PDE1A: variants seen among roughly 807,000 people sequenced by gnomAD.
The protein encoded by PDE1A is phosphodiesterase 1A.
A neutral mutation model predicts 61.7 loss-of-function variants in PDE1A; 35 were observed. The ratio of observed to expected loss-of-function variants is 0.57; its 90% confidence interval spans 0.43 to 0.75. PDE1A has a LOEUF of 0.75. Ranked by LOEUF, PDE1A falls within the 30% of genes least tolerant of loss-of-function variation. The probability of loss-of-function intolerance (pLI) is 0.00; values close to 1 mark genes in which losing one functional copy is unlikely to be tolerated. For missense variants in PDE1A, 597 were observed against 630.6 expected (o/e 0.95, Z 0.57); for synonymous variants, 232 against 213.2 (o/e 1.09, Z -0.77).
Position 182,350,216 on chromosome 2 carries a change from G to T in PDE1A, c.53+76362C>A, listed in dbSNP as rs139826227. ...GTTTCTCTGATTCAGCATTATCTTTGGGAGATTAATGTATCTTGTTGTTTG... is the reference window on the plus strand; with the variant it reads ...GTTTCTCTGATTCAGCATTATCTTTTGGAGATTAATGTATCTTGTTGTTTG... On this transcript the variant is annotated intron_variant, in intron 1 of 13. Transcript: ENST00000351439. Among the ~76,000 whole-genome samples, 538 of 152,256 alleles carry T rather than the reference G, an allele frequency of 3.5e-3. 3 individuals carry two copies. Among genetic ancestry groups the T allele is most frequent in the African/African-American group, 0.012 (510 of 41,560 alleles).
At chr2:182,218,725 A>AT (rs879366232) in intron 7 of PDE1A, among the ~76,000 whole-genome samples, 7 of 152,074 alleles carry the variant, frequency 4.6e-5, no homozygotes, top group African/African-American at 7.2e-5. Flanking sequence ...AGATCATGTG[A>AT]TTTTTTTCCT....
At chr2:182,686,931 G>T in the PDE1A span, among the ~76,000 whole-genome samples, 2 of 152,324 alleles carry the variant, frequency 1.3e-5, no homozygotes, top group Admixed American at 6.5e-5. Flanking sequence ...CTCGCTCAGT[G>T]CTAGCAAAGC....
At chr2:182,410,612 C>G (rs1299338838) in intron 1 of PDE1A, among the ~76,000 whole-genome samples, 1 of 152,198 alleles carries the variant, frequency 6.6e-6, no homozygotes, top group African/African-American at 2.4e-5. Context: ...TGATCAGTGT[C>G]ATTCTGTGCA....
the PDE1A span, among the ~76,000 whole-genome samples, chr2:182,558,403 A>C: frequency 6.6e-6 from 1 of 152,130 alleles, no homozygotes; most frequent in Non-Finnish European, 1.5e-5. Context: ...ATTAATGGCT[A>C]CTCCATATCT....
chr2:182,607,397 C>CTT, the PDE1A span, among the ~76,000 whole-genome samples: 7 of 152,180 alleles, frequency 4.6e-5, no homozygotes, highest in African/African-American at 1.7e-4. Flanking sequence ...AGGAATAGCA[C>CTT]TTTAAGTACA....
At chr2:182,550,153 G>C in the PDE1A span, among the ~76,000 whole-genome samples, 1 of 152,160 alleles carries the variant, frequency 6.6e-6, no homozygotes, top group Non-Finnish European at 1.5e-5. Context: ...TAGCCTACTA[G>C]AGAATTCTTC....
chr2:182,530,611 T>A, the PDE1A span, among the ~76,000 whole-genome samples: 1 of 152,176 alleles, frequency 6.6e-6, no homozygotes, highest in African/African-American at 2.4e-5. Context: ...GGCAGAAAGA[T>A]GTGGCACAGC....
At chr2:182,714,638 C>T in the PDE1A span, among the ~76,000 whole-genome samples, 3 of 151,936 alleles carry the variant, frequency 2.0e-5, no homozygotes, top group Non-Finnish European at 4.4e-5. Flanking sequence ...GATCTTGGCT[C>T]ACTGCAACCT....
chr2:182,201,305 A>C, intron 10 of PDE1A, 134 bp downstream of exon 10: 4 of 1,109,768 alleles, frequency 3.6e-6, no homozygotes, highest in Non-Finnish European at 5.2e-6. Flanking sequence ...AATTTTGCTG[A>C]AACCCCCAAG....
the PDE1A span, among the ~76,000 whole-genome samples, chr2:182,540,582 T>G: frequency 2.0e-5 from 3 of 152,120 alleles, no homozygotes; most frequent in South Asian, 6.2e-4. Flanking sequence ...AAATAGTGTC[T>G]GAGTTAACCA....
chr2:182,709,960 G>C, the PDE1A span, among the ~76,000 whole-genome samples: 2 of 152,308 alleles, frequency 1.3e-5, no homozygotes, highest in South Asian at 2.1e-4. Flanking sequence ...GCAGTGGCAT[G>C]ATCTTGGCTC....
intron 13 of PDE1A, among the ~76,000 whole-genome samples, chr2:182,153,860 G>T (rs1690925222): frequency 6.6e-6 from 1 of 152,150 alleles, no homozygotes; most frequent in South Asian, 2.1e-4. Flanking sequence ...TGAAGGGTAG[G>T]AGGTTTGGAG....
intron 1 of PDE1A, among the ~76,000 whole-genome samples, chr2:182,268,864 G>A (rs914123081): frequency 3.3e-5 from 5 of 151,960 alleles, no homozygotes; most frequent in African/African-American, 1.2e-4. Context: ...CATTGACAAC[G>A]TTCACATTTC....
the PDE1A span, among the ~76,000 whole-genome samples, chr2:182,642,130 A>T: frequency 1.3e-5 from 2 of 152,252 alleles, no homozygotes; most frequent in Non-Finnish European, 2.9e-5. Flanking sequence ...GGAATCCTGC[A>T]AATTATTTGT....
intron 7 of PDE1A, among the ~76,000 whole-genome samples, chr2:182,212,972 A>G (rs1443539041): frequency 6.6e-6 from 1 of 150,582 alleles, no homozygotes; most frequent in African/African-American, 2.4e-5. Flanking sequence ...CAGGGCACAG[A>G]CAAACAAAAA....
chr2:182,327,523 C>G (rs1456478937), intron 1 of PDE1A, among the ~76,000 whole-genome samples: 1 of 152,112 alleles, frequency 6.6e-6, no homozygotes, highest in Admixed American at 6.6e-5. Flanking sequence ...CAACAGAAGT[C>G]ATTGAGATGG....
intron 1 of PDE1A, among the ~76,000 whole-genome samples, chr2:182,274,414 A>T (rs936570371): frequency 1.3e-5 from 2 of 152,112 alleles, no homozygotes; most frequent in African/African-American, 2.4e-5. Flanking sequence ...TAGATCACAC[A>T]ACACAAAAAT....
chr2:182,712,024 A>G, the PDE1A span, among the ~76,000 whole-genome samples: 1 of 152,232 alleles, frequency 6.6e-6, no homozygotes, highest in African/African-American at 2.4e-5. Flanking sequence ...AAAACTACCA[A>G]CAATGAGACG....
At chr2:182,454,916 T>A (rs920172595) in intron 2 of PDE1A, among the ~76,000 whole-genome samples, 1 of 147,104 alleles carries the variant, frequency 6.8e-6, no homozygotes, top group African/African-American at 2.4e-5. Flanking sequence ...GGGATCTAAT[T>A]AAACTAAAGA....
Sources: gnomAD v4.1 joint callset for allele counts (sites outside exome capture counted in the v4.1 genomes callset) on GRCh38, gnomAD v4.1.1 for gene constraint, MANE v1.5 for transcripts, NCBI Gene and HGNC (gene_info 2026-07-23, HGNC 2026-07-21) for gene names.